Variants in IL16 observed in about 807,000 individuals in gnomAD.
IL16 encodes pro-interleukin-16.
IL16 carries 67 observed loss-of-function variants against 110.1 expected under a neutral mutation model. That is an observed-to-expected ratio of 0.61 (90% CI 0.50 to 0.75). The LOEUF (loss-of-function observed/expected upper bound fraction) is 0.75. Among genes scored for constraint, IL16 ranks in the 30% least tolerant of loss-of-function variants. The probability of loss-of-function intolerance (pLI) is 0.00; values close to 1 mark genes in which losing one functional copy is unlikely to be tolerated. For synonymous variants in IL16, 689 were observed against 662.9 expected, an observed-to-expected ratio of 1.04 and a Z score of -0.61; for missense variants, 1,545 against 1,655.0, an observed-to-expected ratio of 0.93 and a Z score of 1.15.
At chr15:81,200,505 G>C (rs1245438340) in intron 1 of IL16, among the ~76,000 whole-genome samples, 3 of 151,906 alleles carry the variant, frequency 2.0e-5, no homozygotes, top group African/African-American at 7.3e-5. Context: ...GAGTAGCTGG[G>C]ACTACAGGCA....
chr15:81,202,488 A>G (rs1247174066), intron 1 of IL16, among the ~76,000 whole-genome samples: 1 of 109,004 alleles, frequency 9.2e-6, no homozygotes, highest in Admixed American at 9.6e-5. Flanking sequence ...CCCTACACCC[A>G]CAACAGTCCC....
chr15:81,227,888 T>G (rs1054085256), intron 2 of IL16, among the ~76,000 whole-genome samples: 4 of 152,058 alleles, frequency 2.6e-5, no homozygotes, highest in Non-Finnish European at 4.4e-5. Flanking sequence ...AGAAGTAAAC[T>G]TCAACTGCAA....
chr15:81,308,662 G>T lies in IL16; in HGVS notation c.3863G>T (p.Gly1288Val), dbSNP rs1356542647. The change falls in exon 19 of 19, where the codon GGT becomes GTT. Residue 1288 changes from glycine to valine, a missense_variant. Coordinates refer to ENST00000683961, the MANE Select transcript of IL16 (RefSeq NM_172217.5). ...CCTGGAGATGAAATCTTACAGCTGG[G>T]TGGCACTGCCATGCAGGGCCTCACA... Reference protein sequence around the residue: ...VQPGDEILQLGGTAMQGLTRF... With the variant: ...VQPGDEILQLVGTAMQGLTRF... 4 of 1,613,688 alleles carry T rather than the reference G, an allele frequency of 2.5e-6. No individual in the cohort carries two copies. In the African/African-American group the frequency reaches 5.3e-5, roughly 22 times the overall value.
intron 4 of IL16, among the ~76,000 whole-genome samples, chr15:81,266,418 A>G (rs1297715992): frequency 1.3e-5 from 2 of 152,210 alleles, no homozygotes; most frequent in Admixed American, 6.5e-5. Context: ...TAAAACCTAT[A>G]GGACCAGAAT....
intron 3 of IL16, among the ~76,000 whole-genome samples, chr15:81,262,065 T>C (rs948366899): frequency 6.6e-6 from 1 of 152,170 alleles, no homozygotes; most frequent in Non-Finnish European, 1.5e-5. Flanking sequence ...GAGCCTGTCC[T>C]GCCCCCCCGA....
chr15:81,287,575 A>G (rs1273186885), intron 10 of IL16, among the ~76,000 whole-genome samples: 1 of 152,222 alleles, frequency 6.6e-6, no homozygotes, highest in African/African-American at 2.4e-5. Flanking sequence ...TCCTGAAATC[A>G]GTGTGATATT....
intron 1 of IL16, among the ~76,000 whole-genome samples, chr15:81,216,553 C>T (rs541900509): frequency 6.6e-6 from 1 of 152,208 alleles, no homozygotes; most frequent in East Asian, 1.9e-4. Flanking sequence ...AGCAACACAT[C>T]CTGGCTGCAT....
intron 15 of IL16, 56 bp downstream of exon 15, chr15:81,301,568 C>A: frequency 6.6e-7 from 1 of 1,523,320 alleles, no homozygotes. Flanking sequence ...GGCTGTGTGG[C>A]CACCTTAGTT....
chr15:81,213,139 C>T (rs1384117042), intron 1 of IL16, among the ~76,000 whole-genome samples: 3 of 152,130 alleles, frequency 2.0e-5, no homozygotes, highest in African/African-American at 7.2e-5. Flanking sequence ...AATTTCTGTG[C>T]TCATCCAGGA....
At chr15:81,248,029 G>A (rs577607388) in intron 2 of IL16, among the ~76,000 whole-genome samples, 6 of 152,106 alleles carry the variant, frequency 3.9e-5, no homozygotes, top group South Asian at 2.1e-4. Flanking sequence ...TTAAGGAGTC[G>A]GTTAAAAATC....
intron 2 of IL16, among the ~76,000 whole-genome samples, chr15:81,236,774 G>A (rs1398939105): frequency 2.8e-5 from 4 of 140,526 alleles, no homozygotes; most frequent in African/African-American, 1.2e-4. Context: ...TGGCCAACAT[G>A]GCAAAAATCC....
intron 12 of IL16, chr15:81,295,314 A>T: frequency 9.1e-7 from 1 of 1,101,050 alleles, no homozygotes; most frequent in East Asian, 7.2e-5. Context: ...AATTTGTGTA[A>T]AATCAAATTT....
At chr15:81,206,278 G>A (rs1306952064) in intron 1 of IL16, among the ~76,000 whole-genome samples, 1 of 152,144 alleles carries the variant, frequency 6.6e-6, no homozygotes, top group Non-Finnish European at 1.5e-5. Flanking sequence ...AGGCTATATG[G>A]TATTGCCTAC....
intron 12 of IL16, among the ~76,000 whole-genome samples, chr15:81,296,584 A>G (rs993705220): frequency 4.6e-5 from 7 of 152,094 alleles, no homozygotes; most frequent in African/African-American, 1.7e-4. Flanking sequence ...CGGGGTGGGT[A>G]GTTCACCAGA....
At chr15:81,264,437 T>C (rs891518995) in intron 3 of IL16, among the ~76,000 whole-genome samples, 10 of 152,214 alleles carry the variant, frequency 6.6e-5, no homozygotes, top group Non-Finnish European at 1.0e-4. Context: ...TCCTCTTTTC[T>C]TCTCAAGCTA....
At chr15:81,286,856 C>T (rs1893753197) in intron 10 of IL16, among the ~76,000 whole-genome samples, 1 of 152,184 alleles carries the variant, frequency 6.6e-6, no homozygotes, top group Admixed American at 6.5e-5. Flanking sequence ...TTCCATGTGG[C>T]TGGGGAGGCC....
Position 81,303,886 on chromosome 15 carries a change from T to C in IL16, c.3420+236T>C, listed in dbSNP as rs935525277. On this transcript the variant is annotated intron_variant, in intron 16 of 18. Coordinates refer to ENST00000683961, the MANE Select transcript of IL16 (RefSeq NM_172217.5). The surrounding 1 kb of genome is among the most constrained non-coding windows in gnomAD (Gnocchi z 4.1). ...TCCCACTATTCTGGCTCATCCAATC[T>C]GATCAGCATTGGCTGCTGCCTTCAG... 3.3e-5 allele frequency among the ~76,000 whole-genome samples: 5 copies of C among 152,262 alleles called. No individual in the cohort carries two copies. Among genetic ancestry groups the C allele is most frequent in the Admixed American group, 2.6e-4 (4 of 15,294 alleles).
At chr15:81,195,715 G>A (rs913984439), upstream of IL16, among the ~76,000 whole-genome samples, 1 of 152,180 alleles carries the variant, frequency 6.6e-6, no homozygotes. Flanking sequence ...GGTGCTGAGC[G>A]TTGGGAAACA....
At chr15:81,228,477 C>T (rs1448787012) in intron 2 of IL16, among the ~76,000 whole-genome samples, 1 of 152,082 alleles carries the variant, frequency 6.6e-6, no homozygotes, top group Non-Finnish European at 1.5e-5. Context: ...CCTGCCACTA[C>T]ACCCAGCTAA....
Sources: gnomAD v4.1 joint callset for allele counts (sites outside exome capture counted in the v4.1 genomes callset) on GRCh38, gnomAD v4.1.1 for gene constraint, Gnocchi (gnomAD v3.1) non-coding constraint, MANE v1.5 for transcripts, NCBI Gene and HGNC (gene_info 2026-07-23, HGNC 2026-07-21) for gene names.